The following SOX9 variants were observed in gnomAD, a reference collection of about 807,000 sequenced individuals.
SOX9 encodes transcription factor SOX-9.
A neutral mutation model predicts 44.8 loss-of-function variants in SOX9; 2 were observed. The observed-to-expected ratio is 0.04, with a 90% CI of 0.02 to 0.14. SOX9 has a LOEUF of 0.14. Ranked by LOEUF, SOX9 falls within the 10% of genes least tolerant of loss-of-function variation. The pLI is 1.00. For missense variants in SOX9, 583 were observed against 728.6 expected (o/e 0.80, Z 2.30); for synonymous variants, 381 against 331.8 (o/e 1.15, Z -1.61).
chr17:72,121,243 C>G lies in SOX9; in HGVS notation c.-149C>G. On this transcript the variant is annotated 5_prime_UTR_variant, in exon 1 of 3. Transcript: ENST00000245479. This position sits in a 1 kb window ranked among gnomAD's most constrained non-coding sequence, Gnocchi z 8.3. Reference sequence around the variant, plus strand: ...ACCCCGCGCCTTCCTAAGTGCTCGCCGCGGTAGCCGGCCGACGCGCCAGCT... The same window carrying G: ...ACCCCGCGCCTTCCTAAGTGCTCGCGGCGGTAGCCGGCCGACGCGCCAGCT... 2 of 711,200 alleles carry G rather than the reference C, an allele frequency of 2.8e-6. No homozygotes were observed. Among genetic ancestry groups the G allele is most frequent in the Non-Finnish European group, 4.7e-6 (2 of 424,222 alleles). The allele number at this position is 711,200 out of a possible 1,614,324, so 44.1% of individuals were successfully genotyped here.
chr17:72,123,059 G>A lies in SOX9; in HGVS notation c.685+87G>A, dbSNP rs1908158959. On this transcript the variant is annotated intron_variant, in intron 2 of 2. Transcript: ENST00000245479. The surrounding 1 kb of genome is among the most constrained non-coding windows in gnomAD (Gnocchi z 6.5). ...CCTCCGCCTGGGAGATTCTTCGTGGGGACTTTATGCTTCCCGGGAGGGACA... is the reference window on the plus strand; with the variant it reads ...CCTCCGCCTGGGAGATTCTTCGTGGAGACTTTATGCTTCCCGGGAGGGACA... 1 of 1,539,868 alleles carries A rather than the reference G, an allele frequency of 6.5e-7. No individual in the cohort carries two copies. The highest frequency in any genetic ancestry group is 8.9e-7 in the Non-Finnish European group (1 of 1,129,852).
rs752349944 is a variant in SOX9 at position 72,123,953 on chromosome 17, C to T, written c.1096C>T (p.Pro366Ser). Residue 366 changes from proline (P) to serine (S), a missense_variant, in exon 3 of 3, where the codon CCC becomes TCC. By Grantham distance (74) the Pro-to-Ser change is moderately conservative (BLOSUM62 -1). Coordinates refer to ENST00000245479, the MANE Select transcript of SOX9 (RefSeq NM_000346.4). The surrounding 1 kb of genome is among the most constrained non-coding windows in gnomAD (Gnocchi z 6.5). ...GGCGCCCCCGCAGCCGCAGGCGGCG[C>T]CCCCACAGCAGCCGGCGGCACCCCC... ...PQAPPQPQAAPPQQPAAPPQQ... is the reference protein window; with the variant it reads ...PQAPPQPQAASPQQPAAPPQQ... 4.2e-6 allele frequency: 6 copies of T among 1,416,408 alleles called. No individual in the cohort carries two copies. The highest frequency in any genetic ancestry group is 2.9e-5 in the African/African-American group (2 of 67,798). The allele number at this position is 1,416,408 out of a possible 1,614,324, so 87.7% of individuals were successfully genotyped here. A position where few individuals can be genotyped will look rare whatever the true frequency, so the allele number is the denominator to read the frequency against.
Position 72,121,340 on chromosome 17 carries a change from G to T in SOX9, c.-52G>T, listed in dbSNP as rs1042935758. 41 of 1,558,960 alleles carry T rather than the reference G, an allele frequency of 2.6e-5. No homozygotes were observed. In the Admixed American group the frequency reaches 4.2e-4, roughly 16 times the overall value. Reference sequence around the variant, plus strand: ...AGCCCGCGCCTCGAGTCCCCGAGCCGCCGCGGCTTCTCGCCTTTCCCGGCC... The same window carrying T: ...AGCCCGCGCCTCGAGTCCCCGAGCCTCCGCGGCTTCTCGCCTTTCCCGGCC... On this transcript the variant is annotated 5_prime_UTR_variant, in exon 1 of 3. Coordinates refer to ENST00000245479, the MANE Select transcript of SOX9 (RefSeq NM_000346.4). The surrounding 1 kb of genome is among the most constrained non-coding windows in gnomAD (Gnocchi z 8.3).
At position 72,124,507 on chromosome 17, in the gene SOX9, G is replaced by GT. The variant is rs1314506103; in HGVS notation, c.*126dup. 16 of 1,276,140 alleles carry GT rather than the reference G, an allele frequency of 1.3e-5. No individual in the cohort carries two copies. In the African/African-American group the frequency reaches 1.8e-4, roughly 14 times the overall value. The allele number at this position is 1,276,140 out of a possible 1,614,324, so 79.1% of individuals were successfully genotyped here. A position where few individuals can be genotyped will look rare whatever the true frequency, so the allele number is the denominator to read the frequency against. ...TTTTTTTGTTTTTTTATTTTGTTTT[G>GT]TTTTTTCTTCTTCTTCTTCTTCCTT... On this transcript the variant is annotated 3_prime_UTR_variant, in exon 3 of 3. Transcript: ENST00000245479. This position sits in a 1 kb window ranked among gnomAD's most constrained non-coding sequence, Gnocchi z 4.6.
chr17:72,121,450 G>C lies in SOX9; in HGVS notation c.59G>C (p.Gly20Ala), dbSNP rs1276160255. ...GACGAGCAGGAGAAGGGCCTGTCCG[G>C]CGCCCCCAGCCCCACCATGTCCGAG... ...MTDEQEKGLS[G>A]APSPTMSEDS... The change falls in exon 1 of 3, where the codon GGC becomes GCC. Residue 20 changes from glycine (G) to alanine (A), a missense_variant. Gly to Ala is a moderately conservative substitution (Grantham distance 60). Coordinates refer to ENST00000245479, the MANE Select transcript of SOX9 (RefSeq NM_000346.4). This position sits in a 1 kb window ranked among gnomAD's most constrained non-coding sequence, Gnocchi z 8.3. The C allele has an allele frequency of 1.9e-6, 3 of 1,612,762 alleles. No individual in the cohort carries two copies. In the African/African-American group the frequency reaches 4.0e-5, roughly 22 times the overall value.
rs2143241914 is a variant in SOX9, at chr17:72,121,889, G to C, written c.431+67G>C. On this transcript the variant is annotated intron_variant, in intron 1 of 2. Coordinates refer to ENST00000245479, the MANE Select transcript of SOX9 (RefSeq NM_000346.4). This position sits in a 1 kb window ranked among gnomAD's most constrained non-coding sequence, Gnocchi z 8.3. Reference sequence around the variant, plus strand: ...GCGGCTGGGGGCGCTGGTCAGGGCTGATTTGCCCCGCCCCGCCTCCCATCG... The same window carrying C: ...GCGGCTGGGGGCGCTGGTCAGGGCTCATTTGCCCCGCCCCGCCTCCCATCG... 1 of 1,456,646 alleles carries C rather than the reference G, an allele frequency of 6.9e-7. No individual in the cohort carries two copies. Among genetic ancestry groups the C allele is most frequent in the Non-Finnish European group, 9.1e-7 (1 of 1,104,382 alleles). 90.2% of individuals were successfully genotyped at this position (1,456,646 alleles called of 1,614,324 possible). A position where few individuals can be genotyped will look rare whatever the true frequency, so the allele number is the denominator to read the frequency against.
In SOX9 at chr17:72,123,957, C is replaced by G; in HGVS notation, c.1100C>G (p.Pro367Arg). The change falls in exon 3 of 3, where the codon CCA (proline) becomes CGA (arginine). Residue 367 changes from proline to arginine, a missense_variant. By Grantham distance (103) the Pro-to-Arg change is moderately radical. Transcript: ENST00000245479. The surrounding 1 kb of genome is among the most constrained non-coding windows in gnomAD (Gnocchi z 6.5). ...CCCCCGCAGCCGCAGGCGGCGCCCC[C>G]ACAGCAGCCGGCGGCACCCCCGCAG... Reference protein sequence around the residue: ...QAPPQPQAAPPQQPAAPPQQP... With the variant: ...QAPPQPQAAPRQQPAAPPQQP... 6.9e-7 allele frequency: 1 copy of G among 1,452,530 alleles called. No homozygotes were observed. Among genetic ancestry groups the G allele is most frequent in the Non-Finnish European group, 9.0e-7 (1 of 1,105,398 alleles). 90.0% of individuals were successfully genotyped at this position (1,452,530 alleles called of 1,614,324 possible).
rs1181623386 is a variant in SOX9, at chr17:72,121,352, C to T, written c.-40C>T. 3.1e-6 allele frequency: 5 copies of T among 1,590,708 alleles called. No individual in the cohort carries two copies. The highest frequency in any genetic ancestry group is 2.7e-5 in the African/African-American group (2 of 74,620). On this transcript the variant is annotated 5_prime_UTR_variant, in exon 1 of 3. Transcript: ENST00000245479. The surrounding 1 kb of genome is among the most constrained non-coding windows in gnomAD (Gnocchi z 8.3). ...GAGTCCCCGAGCCGCCGCGGCTTCT[C>T]GCCTTTCCCGGCCACCAGCCCCCTG...
rs2143241056 is a variant in SOX9 at position 72,121,808 on chromosome 17, G to A, written c.417G>A (p.Leu139=). 1 of 1,585,370 alleles carries A rather than the reference G, an allele frequency of 6.3e-7. No homozygotes were observed. Among genetic ancestry groups the A allele is most frequent in the Non-Finnish European group, 8.6e-7 (1 of 1,166,740 alleles). Residue 139 remains leucine, a synonymous_variant, in exon 1 of 3, where the codon CTG becomes CTA. Coordinates refer to ENST00000245479, the MANE Select transcript of SOX9 (RefSeq NM_000346.4). This position sits in a 1 kb window ranked among gnomAD's most constrained non-coding sequence, Gnocchi z 8.3. Reference sequence around the variant, plus strand: ...ACAACGCCGAGCTCAGCAAGACGCTGGGCAAGCTCTGGAGGTAGGACCCGG... The same window carrying A: ...ACAACGCCGAGCTCAGCAAGACGCTAGGCAAGCTCTGGAGGTAGGACCCGG... ...HLHNAELSKT[L]GKLWRLLNES...
rs1414403898 is a variant in SOX9, at chr17:72,123,761, G to A, written c.904G>A (p.Gly302Ser). Residue 302 changes from glycine (G) to serine (S), a missense_variant, in exon 3 of 3, where the codon GGC becomes AGC. By Grantham distance (56) the Gly-to-Ser change is moderately conservative. Coordinates refer to ENST00000245479, the MANE Select transcript of SOX9 (RefSeq NM_000346.4). This position sits in a 1 kb window ranked among gnomAD's most constrained non-coding sequence, Gnocchi z 6.5. ...GTTTGACCAGTACCTGCCGCCCAACGGCCACCCGGGGGTGCCGGCCACGCA... is the reference window on the plus strand; with the variant it reads ...GTTTGACCAGTACCTGCCGCCCAACAGCCACCCGGGGGTGCCGGCCACGCA... ...NEFDQYLPPN[G>S]HPGVPATHGQ... 2.6e-5 allele frequency: 42 copies of A among 1,613,432 alleles called. No homozygotes were observed. The highest frequency in any genetic ancestry group is 3.6e-5 in the Non-Finnish European group (42 of 1,179,914).
rs1222997801 is a variant in SOX9 at position 72,121,134 on chromosome 17, C to T, written c.-258C>T. On this transcript the variant is annotated 5_prime_UTR_variant, in exon 1 of 3. Transcript: ENST00000245479. This position sits in a 1 kb window ranked among gnomAD's most constrained non-coding sequence, Gnocchi z 8.3. ...GAGGAGAAGAGAAGGGGTGCAAGCG[C>T]CCCCACTTTTGCTCTTTTTCCTCCC... 2.3e-5 allele frequency: 13 copies of T among 569,696 alleles called. No individual in the cohort carries two copies. Among genetic ancestry groups the T allele is most frequent in the Non-Finnish European group, 3.7e-5 (12 of 324,004 alleles). The allele number at this position is 569,696 out of a possible 1,614,324, so 35.3% of individuals were successfully genotyped here. A position where few individuals can be genotyped will look rare whatever the true frequency, so the allele number is the denominator to read the frequency against.
rs1441759928 is a variant in SOX9, at chr17:72,121,622, C to T, written c.231C>T (p.Val77=). Residue 77 remains valine, a synonymous_variant, in exon 1 of 3, where the codon GTC becomes GTT. Transcript: ENST00000245479. The surrounding 1 kb of genome is among the most constrained non-coding windows in gnomAD (Gnocchi z 8.3). ...DKFPVCIREA[V]SQVLKGYDWT... ...TCCCCGTGTGCATCCGCGAGGCGGT[C>T]AGCCAGGTGCTCAAAGGCTACGACT... is the stretch of plus-strand genomic sequence containing the variant. 1 of 1,602,118 alleles carries T rather than the reference C, an allele frequency of 6.2e-7. No individual in the cohort carries two copies. Among genetic ancestry groups the T allele is most frequent in the Non-Finnish European group, 8.5e-7 (1 of 1,174,712 alleles).
In SOX9 at chr17:72,122,794, C is replaced by T. The variant is rs2229989; in HGVS notation, c.507C>T (p.His169=). 0.2 allele frequency: 328,376 copies of T among 1,613,870 alleles called. 36,273 individuals are homozygous for T. The highest frequency in any genetic ancestry group is 0.27 in the South Asian group (24,888 of 91,080). The change falls in exon 2 of 3, where the codon CAC becomes CAT. Residue 169 remains histidine (H), a synonymous_variant. Coordinates refer to ENST00000245479, the MANE Select transcript of SOX9 (RefSeq NM_000346.4). ...TGCGCGTGCAGCACAAGAAGGACCA[C>T]CCGGATTACAAGTACCAGCCGCGGC... ...ERLRVQHKKD[H]PDYKYQPRRR... is the part of the protein sequence containing the mutation.
chr17:72,123,787 C>T lies in SOX9; in HGVS notation c.930C>T (p.His310=), dbSNP rs138423956. 1.0e-4 allele frequency: 169 copies of T among 1,612,978 alleles called. No homozygotes were observed. The highest frequency in any genetic ancestry group is 2.4e-4 in the African/African-American group (18 of 75,030). The change falls in exon 3 of 3, where the codon CAC becomes CAT. Residue 310 remains histidine (H), a synonymous_variant. Transcript: ENST00000245479. The surrounding 1 kb of genome is among the most constrained non-coding windows in gnomAD (Gnocchi z 6.5). ...PNGHPGVPAT[H]GQVTYTGSYG... Reference sequence around the variant, plus strand: ...GCCACCCGGGGGTGCCGGCCACGCACGGCCAGGTCACCTACACGGGCAGCT... The same window carrying T: ...GCCACCCGGGGGTGCCGGCCACGCATGGCCAGGTCACCTACACGGGCAGCT...
In SOX9 at chr17:72,122,846, G is replaced by C. The variant is rs771056492; in HGVS notation, c.559G>C (p.Ala187Pro). ...RRRKSVKNGQ[A>P]EAEEATEQTH... ...GAGGAAGTCGGTGAAGAACGGGCAG[G>C]CGGAGGCAGAGGAGGCCACGGAGCA... is the stretch of plus-strand genomic sequence containing the variant. Residue 187 changes from alanine (A) to proline (P), a missense_variant, in exon 2 of 3, where the codon GCG becomes CCG. Ala to Pro is a conservative substitution (Grantham distance 27). This residue lies in a region of SOX9 where 88 missense variants were observed against 65.5 expected (regional missense o/e 1.34). Coordinates refer to ENST00000245479, the MANE Select transcript of SOX9 (RefSeq NM_000346.4). 20 of 1,614,154 alleles carry C rather than the reference G, an allele frequency of 1.2e-5. No individual in the cohort carries two copies. Among genetic ancestry groups the C allele is most frequent in the Non-Finnish European group, 1.7e-5 (20 of 1,180,034 alleles).
chr17:72,124,740 ATC>A lies in SOX9; in HGVS notation c.*359_*360del, dbSNP rs1276211253. ...GAGAATCGTGTGATCAGTGTGCTAA[ATC>A]TCTCTGCCTGTTTGGACTTTGTAAT... On this transcript the variant is annotated 3_prime_UTR_variant, in exon 3 of 3. Transcript: ENST00000245479. The surrounding 1 kb of genome is among the most constrained non-coding windows in gnomAD (Gnocchi z 4.6). 5 of 445,446 alleles carry A rather than the reference ATC, an allele frequency of 1.1e-5. No homozygotes were observed. The highest frequency in any genetic ancestry group is 1.7e-5 in the Non-Finnish European group (4 of 241,414). The allele number at this position is 445,446 out of a possible 1,614,324, so 27.6% of individuals were successfully genotyped here. A position where few individuals can be genotyped will look rare whatever the true frequency, so the allele number is the denominator to read the frequency against.
rs1025099692 is a variant in SOX9 at position 72,124,080 on chromosome 17, G to T, written c.1223G>T (p.Ser408Ile). 1.2e-6 allele frequency: 2 copies of T among 1,613,570 alleles called. No individual in the cohort carries two copies. Among genetic ancestry groups the T allele is most frequent in the Admixed American group, 3.3e-5 (2 of 60,012 alleles). The change falls in exon 3 of 3, where the codon AGC becomes ATC. Residue 408 changes from serine to isoleucine, a missense_variant. Ser to Ile is a moderately radical substitution (Grantham distance 142). Around this residue, in one of 7 missense-constraint regions of SOX9, gnomAD observed 349 missense variants for 387.0 expected, o/e 0.90. Transcript: ENST00000245479. This position sits in a 1 kb window ranked among gnomAD's most constrained non-coding sequence, Gnocchi z 4.6. ...GAGCAGCTGAGCCCCAGCCACTACA[G>T]CGAGCAGCAGCAGCACTCGCCCCAA... Reference protein sequence around the residue: ...KTEQLSPSHYSEQQQHSPQQI... With the variant: ...KTEQLSPSHYIEQQQHSPQQI...
Position 72,123,090 on chromosome 17 carries a change from C to T in SOX9, c.685+118C>T, listed in dbSNP as rs1292961751. The T allele has an allele frequency of 9.3e-6, 12 of 1,288,500 alleles. No homozygotes were observed. Among genetic ancestry groups the T allele is most frequent in the Non-Finnish European group, 1.3e-5 (12 of 921,770 alleles). The allele number at this position is 1,288,500 out of a possible 1,614,324, so 79.8% of individuals were successfully genotyped here. A position where few individuals can be genotyped will look rare whatever the true frequency, so the allele number is the denominator to read the frequency against. On this transcript the variant is annotated intron_variant, in intron 2 of 2. Coordinates refer to ENST00000245479, the MANE Select transcript of SOX9 (RefSeq NM_000346.4). The surrounding 1 kb of genome is among the most constrained non-coding windows in gnomAD (Gnocchi z 6.5). The stretch of plus-strand genomic sequence containing the variant: ...TATGCTTCCCGGGAGGGACACACTG[C>T]CCTTTGCGCCCGTCCCGCTCCCCTC...
Position 72,125,704 on chromosome 17 carries a change from C to T in SOX9, c.*1317C>T. On this transcript the variant is annotated 3_prime_UTR_variant, in exon 3 of 3. Transcript: ENST00000245479. Reference sequence around the variant, plus strand: ...TTTAATCTTTTTTTATTATTAAAAGCAAGTTTCTTTGTATTCCTCACCCTA... The same window carrying T: ...TTTAATCTTTTTTTATTATTAAAAGTAAGTTTCTTTGTATTCCTCACCCTA... The T allele has an allele frequency of 4.4e-6, 1 of 226,222 alleles. No individual in the cohort carries two copies. Among genetic ancestry groups the T allele is most frequent in the East Asian group, 6.4e-5 (1 of 15,608 alleles). The allele number at this position is 226,222 out of a possible 1,614,324, so 14.0% of individuals were successfully genotyped here.
Sources: allele counts gnomAD v4.1 joint callset, GRCh38; gene constraint gnomAD v4.1.1; regional missense constraint gnomAD v4.1.1; non-coding constraint Gnocchi (gnomAD v3.1); transcripts MANE v1.5; gene names NCBI Gene and HGNC (gene_info 2026-07-23, HGNC 2026-07-21).